The following DOCK7 variants were observed in gnomAD, a reference collection of about 807,000 sequenced individuals.
DOCK7 encodes the protein dedicator of cytokinesis 7.
A neutral mutation model predicts 271.0 loss-of-function variants in DOCK7; 138 were observed. The ratio of observed to expected loss-of-function variants is 0.51; its 90% CI spans 0.44 to 0.59. The LOEUF is 0.59. Among genes scored for constraint, DOCK7 ranks in the 20% least tolerant of loss-of-function variants. The probability of loss-of-function intolerance (pLI) is 0.00; values close to 1 mark genes in which losing one functional copy is unlikely to be tolerated. For synonymous variants in DOCK7, 823 were observed against 876.1 expected, an observed-to-expected ratio of 0.94 and a Z score of 1.07; for missense variants, 2,066 against 2,592.4, an observed-to-expected ratio of 0.80 and a Z score of 4.41.
chr1:62,582,377 C>A (rs891061934), intron 16 of DOCK7, among the ~76,000 whole-genome samples: 10 of 149,898 alleles, frequency 6.7e-5, no homozygotes, highest in African/African-American at 2.2e-4. Context: ...GGTGAAAACC[C>A]GTCTCTACTA....
At chr1:62,683,047 A>C (rs1455574469) in intron 1 of DOCK7, among the ~76,000 whole-genome samples, 1 of 152,234 alleles carries the variant, frequency 6.6e-6, no homozygotes, top group Non-Finnish European at 1.5e-5. Context: ...TGGTAGTCCC[A>C]AACTTTTCAG....
intron 43 of DOCK7, chr1:62,478,685 T>A (rs987185234): frequency 6.6e-6 from 1 of 152,164 alleles, no homozygotes; most frequent in Non-Finnish European, 1.5e-5. Flanking sequence ...AGTGCTGAGA[T>A]TATAGGCGTG....
At chr1:62,633,310 TAAA>T (rs1190850508) in intron 10 of DOCK7, among the ~76,000 whole-genome samples, 185 bp downstream of exon 10, 1 of 151,912 alleles carries the variant, frequency 6.6e-6, no homozygotes, top group Non-Finnish European at 1.5e-5. Context: ...ACAAATTAAA[TAAA>T]GAAGAAAGGA....
chr1:62,567,153 T>C (rs1233682256), intron 18 of DOCK7, among the ~76,000 whole-genome samples: 1 of 152,174 alleles, frequency 6.6e-6, no homozygotes, highest in East Asian at 1.9e-4. Flanking sequence ...TCCTCAAGGA[T>C]CTAGAACTAC....
Position 62,475,766 on chromosome 1 carries a change from T to C in DOCK7, c.5902A>G (p.Thr1968Ala). 1 of 1,614,054 alleles carries C rather than the reference T, an allele frequency of 6.2e-7. No homozygotes were observed. The highest frequency in any genetic ancestry group is 8.5e-7 in the Non-Finnish European group (1 of 1,179,928). ...ATATAAGGAAAGGCATGAGACGTAG[T>C]CAGAATGGTCTTCCTTTTGAATTGT... ...HEQFKRKTILTTSHAFPYIKT... is the reference protein window; with the variant it reads ...HEQFKRKTILATSHAFPYIKT... Residue 1968 changes from threonine (T) to alanine (A), a missense_variant, in exon 46 of 50, where the codon ACT becomes GCT. By Grantham distance (58) the Thr-to-Ala change is moderately conservative (BLOSUM62 0). This residue lies in a region of DOCK7 where 652 missense variants were observed against 922.1 expected (regional missense o/e 0.71). Coordinates refer to ENST00000635253, the MANE Select transcript of DOCK7 (RefSeq NM_001367561.1).
chr1:62,455,469 T>C lies in DOCK7; in HGVS notation c.6381-13A>G. On this transcript the variant is annotated splice_polypyrimidine_tract_variant and intron_variant, in intron 49 of 49. Transcript: ENST00000635253. The stretch of plus-strand genomic sequence containing the variant: ...ACTGAAGGAATCTCTGGGAAAAAAA[T>C]GAGAGGACATAGTTAGTTAAAGAGA... 2.5e-6 allele frequency: 4 copies of C among 1,612,842 alleles called. No individual in the cohort carries two copies. The highest frequency in any genetic ancestry group is 3.4e-6 in the Non-Finnish European group (4 of 1,179,170).
intron 27 of DOCK7, among the ~76,000 whole-genome samples, chr1:62,538,301 T>C (rs537560226): frequency 1.3e-5 from 2 of 152,342 alleles, no homozygotes; most frequent in South Asian, 2.1e-4. Context: ...GTATTTCCAA[T>C]ATAGCATCAA....
chr1:62,510,577 T>C lies in DOCK7; in HGVS notation c.4379A>G (p.Lys1460Arg), dbSNP rs1361677288. 4 of 1,611,474 alleles carry C rather than the reference T, an allele frequency of 2.5e-6. No homozygotes were observed. Among genetic ancestry groups the C allele is most frequent in the Middle Eastern group, 1.7e-4 (1 of 6,050 alleles). The change falls in exon 34 of 50, where the codon AAA becomes AGA. Residue 1460 changes from lysine to arginine, a missense_variant and splice_region_variant. Lys to Arg is a conservative substitution (Grantham distance 26). Around this residue, in one of 2 missense-constraint regions of DOCK7, gnomAD observed 652 missense variants for 922.1 expected, o/e 0.71. Coordinates refer to ENST00000635253, the MANE Select transcript of DOCK7 (RefSeq NM_001367561.1). Reference sequence around the variant, plus strand: ...AACATAAAATAGAAAGCTGTATTACTTGTCAAGCTTCTCTGTGTTTTGACG... The same window carrying C: ...AACATAAAATAGAAAGCTGTATTACCTGTCAAGCTTCTCTGTGTTTTGACG... ...HWRQNTEKLD[K>R]SRAEIEHEAL...
chr1:62,465,209 G>A (rs1411066401), intron 48 of DOCK7, among the ~76,000 whole-genome samples: 1 of 152,172 alleles, frequency 6.6e-6, no homozygotes, highest in African/African-American at 2.4e-5. Context: ...ATCTCCAGGT[G>A]AGCAGTTGTT....
At chr1:62,499,593 C>T (rs182389226) in intron 37 of DOCK7, among the ~76,000 whole-genome samples, 14 of 152,032 alleles carry the variant, frequency 9.2e-5, no homozygotes, top group South Asian at 2.1e-4. Context: ...AAACTTAGCC[C>T]GGTGTGATAG....
At position 62,584,544 on chromosome 1, in the gene DOCK7, G is replaced by C. The variant is rs140835259; in HGVS notation, c.1801-1290C>G. 8.4e-4 allele frequency: 956 copies of C among 1,143,992 alleles called. 8 individuals are homozygous for C. The African/African-American group carries it at 0.013, about 16-fold the overall frequency. 70.9% of individuals were successfully genotyped at this position (1,143,992 alleles called of 1,614,324 possible). On this transcript the variant is annotated intron_variant, in intron 15 of 49. Coordinates refer to ENST00000635253, the MANE Select transcript of DOCK7 (RefSeq NM_001367561.1). ...GAAATGCAATACCTTTTTTCCCTCT[G>C]AGAAGCTATCACTTTTCACAAAATA...
intron 11 of DOCK7, chr1:62,629,330 A>G (rs1369050357): frequency 6.6e-6 from 1 of 152,232 alleles, no homozygotes; most frequent in Non-Finnish European, 1.5e-5. Context: ...TAATAAACTA[A>G]AAGTAGAAAA....
intron 48 of DOCK7, among the ~76,000 whole-genome samples, chr1:62,461,677 TAAATA>T (rs71045843): frequency 0.072 from 9,777 of 134,888 alleles, 387 homozygotes; most frequent in Non-Finnish European, 0.081. Context: ...TCTCAAAAAA[TAAATA>T]AAATAAAATA....
At chr1:62,527,629 C>CA (rs1399368974) in intron 31 of DOCK7, among the ~76,000 whole-genome samples, 1 of 149,004 alleles carries the variant, frequency 6.7e-6, no homozygotes, top group African/African-American at 2.5e-5. Context: ...ATTGCAAGGA[C>CA]AAAAAACCAA....
At chr1:62,512,146 T>C (rs886582573) in intron 33 of DOCK7, among the ~76,000 whole-genome samples, 1 of 152,206 alleles carries the variant, frequency 6.6e-6, no homozygotes, top group African/African-American at 2.4e-5. Context: ...AGTATATAAA[T>C]GATACTTAGA....
intron 1 of DOCK7, among the ~76,000 whole-genome samples, chr1:62,670,670 C>G (rs941539345): frequency 1.3e-5 from 2 of 152,078 alleles, no homozygotes; most frequent in Admixed American, 6.5e-5. Flanking sequence ...TGTGTGGAAA[C>G]TCTGTATCTA....
chr1:62,528,072 A>G, intron 31 of DOCK7, 79 bp downstream of exon 31: 1 of 1,395,358 alleles, frequency 7.2e-7, no homozygotes, highest in Admixed American at 2.5e-5. Context: ...TGATACAATC[A>G]TCTCATATAT....
chr1:62,485,471 T>C, intron 43 of DOCK7: 1 of 985,306 alleles, frequency 1.0e-6, no homozygotes, highest in Non-Finnish European at 1.2e-6. Flanking sequence ...TTCCTGTAAG[T>C]TGGGGAGCAA....
At chr1:62,642,668 A>C (rs1409696758) in intron 7 of DOCK7, among the ~76,000 whole-genome samples, 3 of 152,166 alleles carry the variant, frequency 2.0e-5, no homozygotes, top group African/African-American at 7.2e-5. Context: ...GTTCTATCTT[A>C]ATTATTTTAA....
Sources: gnomAD v4.1 joint callset for allele counts (sites outside exome capture counted in the v4.1 genomes callset) on GRCh38, gnomAD v4.1.1 for gene constraint, gnomAD v4.1.1 regional missense constraint, MANE v1.5 for transcripts, NCBI Gene and HGNC (gene_info 2026-07-23, HGNC 2026-07-21) for gene names.